GAB1: variants seen among roughly 807,000 people sequenced by gnomAD.
The protein encoded by GAB1 is GRB2 associated binding protein 1, also known as GRB2-associated-binding protein 1.
Under a neutral mutation model 66.5 loss-of-function variants are expected in GAB1, and 19 were observed. The ratio of observed to expected loss-of-function variants is 0.29; its 90% CI spans 0.20 to 0.42. The LOEUF (loss-of-function observed/expected upper bound fraction) is 0.42. GAB1 is among the 10% of genes least tolerant of loss of function. The pLI is 1.00. For synonymous variants in GAB1, 294 were observed against 301.4 expected, an observed-to-expected ratio of 0.98 and a Z score of 0.25; for missense variants, 732 against 858.5, an observed-to-expected ratio of 0.85 and a Z score of 1.84.
At chr4:143,364,504 G>A (rs1729788958) in intron 1 of GAB1, among the ~76,000 whole-genome samples, 1 of 152,168 alleles carries the variant, frequency 6.6e-6, no homozygotes, top group Non-Finnish European at 1.5e-5. Flanking sequence ...GTATACCTGA[G>A]TAGTTTACAT....
intron 8 of GAB1, among the ~76,000 whole-genome samples, chr4:143,461,599 T>TA (rs1735496031): frequency 6.6e-6 from 1 of 152,212 alleles, no homozygotes; most frequent in Non-Finnish European, 1.5e-5. Context: ...TGGCCACACT[T>TA]AGACACAAAG....
At chr4:143,380,905 G>T (rs1266181673) in intron 1 of GAB1, among the ~76,000 whole-genome samples, 1 of 152,230 alleles carries the variant, frequency 6.6e-6, no homozygotes, top group Non-Finnish European at 1.5e-5. Context: ...ATTTTCTGTG[G>T]GTTGAGAGTT....
At chr4:143,457,661 T>G in intron 6 of GAB1, 1 of 1,151,118 alleles carries the variant, frequency 8.7e-7, no homozygotes, top group Non-Finnish European at 1.2e-6. Flanking sequence ...ATTAAGAGAG[T>G]CTTCTTTTTA....
At chr4:143,385,643 C>T (rs1730862575) in intron 1 of GAB1, among the ~76,000 whole-genome samples, 1 of 152,144 alleles carries the variant, frequency 6.6e-6, no homozygotes, top group Non-Finnish European at 1.5e-5. Context: ...AGATGATCTA[C>T]AAGTTGTACA....
Position 143,434,179 on chromosome 4 carries a change from TGTG to T in GAB1, c.593+469_593+471del, listed in dbSNP as rs369297780. The T allele has an allele frequency of 1.0e-5, 13 of 1,260,506 alleles. No individual in the cohort carries two copies. The African/African-American group carries it at 1.7e-4, about 16-fold the overall frequency. 78.1% of individuals were successfully genotyped at this position (1,260,506 alleles called of 1,614,324 possible). On this transcript the variant is annotated intron_variant, in intron 3 of 9. Transcript: ENST00000262994. The stretch of plus-strand genomic sequence containing the variant: ...AACGATTCCATTGCAGTGAGTGTGT[TGTG>T]GTGGTTTTGGATCTGTGTGAGAAAT...
At position 143,438,370 on chromosome 4, in the gene GAB1, C is replaced by G; in HGVS notation, c.965C>G (p.Thr322Arg). Residue 322 changes from threonine to arginine, a missense_variant, in exon 4 of 10, where the codon ACA (threonine) becomes AGA (arginine). Coordinates refer to ENST00000262994, the MANE Select transcript of GAB1 (RefSeq NM_002039.4). Reference protein sequence around the residue: ...TPGNTYQIPRTFPEGTLGQTS... With the variant: ...TPGNTYQIPRRFPEGTLGQTS... ...GGTAATACTTATCAGATTCCACGAA[C>G]ATTTCCAGAAGGAACCTTGGGACAG... The G allele has an allele frequency of 1.2e-6, 2 of 1,614,084 alleles. No homozygotes were observed. Among genetic ancestry groups the G allele is most frequent in the Non-Finnish European group, 1.7e-6 (2 of 1,179,986 alleles).
intron 1 of GAB1, among the ~76,000 whole-genome samples, chr4:143,370,035 A>G (rs1453341405): frequency 1.3e-5 from 2 of 152,240 alleles, no homozygotes; most frequent in Middle Eastern, 3.2e-3. Flanking sequence ...CAAAAATGGC[A>G]TAAGCACTCA....
At chr4:143,372,258 A>G (rs1730157106) in intron 1 of GAB1, among the ~76,000 whole-genome samples, 1 of 152,098 alleles carries the variant, frequency 6.6e-6, no homozygotes, top group South Asian at 2.1e-4. Context: ...GTTGCTTGCT[A>G]GTTCTTCCGT....
At chr4:143,466,859 GCTAT>G (rs1195645330) in intron 9 of GAB1, among the ~76,000 whole-genome samples, 3 of 151,992 alleles carry the variant, frequency 2.0e-5, no homozygotes, top group South Asian at 4.1e-4. Flanking sequence ...CAAATTCTGT[GCTAT>G]CTTTGTCCAA....
At position 143,438,466 on chromosome 4, in the gene GAB1, G is replaced by C; in HGVS notation, c.1061G>C (p.Arg354Pro). 1 of 1,613,864 alleles carries C rather than the reference G, an allele frequency of 6.2e-7. No individual in the cohort carries two copies. The highest frequency in any genetic ancestry group is 8.5e-7 in the Non-Finnish European group (1 of 1,179,960). The change falls in exon 4 of 10, where the codon CGA (arginine) becomes CCA (proline). Residue 354 changes from arginine (R) to proline (P), a missense_variant. By Grantham distance (103) the Arg-to-Pro change is moderately radical (BLOSUM62 -2). Around this residue, in one of 4 missense-constraint regions of GAB1, gnomAD observed 427 missense variants for 420.6 expected, o/e 1.02. Transcript: ENST00000262994. ...RPPKPHPAHD[R>P]SPVETCSIPR... ...CCGAAACCACATCCAGCTCATGACCGATCTCCTGTGGAAACGTGTAGTATC... is the reference window on the plus strand; with the variant it reads ...CCGAAACCACATCCAGCTCATGACCCATCTCCTGTGGAAACGTGTAGTATC...
chr4:143,353,806 C>G (rs975070540), intron 1 of GAB1, among the ~76,000 whole-genome samples: 3 of 152,100 alleles, frequency 2.0e-5, no homozygotes, highest in Admixed American at 1.3e-4. Context: ...CATACATGCT[C>G]TAGAAACCCA....
intron 1 of GAB1, among the ~76,000 whole-genome samples, chr4:143,403,887 C>T (rs1731905264): frequency 6.6e-6 from 1 of 152,130 alleles, no homozygotes; most frequent in Admixed American, 6.5e-5. Flanking sequence ...GTTCTGGAAG[C>T]TTTAGACTGA....
chr4:143,350,200 C>A, intron 1 of GAB1: 1 of 620,166 alleles, frequency 1.6e-6, no homozygotes, highest in Non-Finnish European at 2.9e-6. Flanking sequence ...TATCATGGGC[C>A]CCAAGCACTG....
chr4:143,403,907 TAAG>T (rs1731906704), intron 1 of GAB1, among the ~76,000 whole-genome samples: 2 of 152,352 alleles, frequency 1.3e-5, no homozygotes, highest in Non-Finnish European at 1.5e-5. Flanking sequence ...AGATTTATGT[TAAG>T]AAGAAAATGA....
At position 143,373,044 on chromosome 4, in the gene GAB1, AACACACACAC is replaced by A. The variant is rs36205621; in HGVS notation, c.72+35810_72+35819del. Among the ~76,000 whole-genome samples the A allele has an allele frequency of 2.7e-4, 40 of 148,262 alleles. 1 individual carries two copies. The highest frequency in any genetic ancestry group is 6.1e-4 in the Admixed American group (9 of 14,796). On this transcript the variant is annotated intron_variant, in intron 1 of 9. Transcript: ENST00000262994. ...ATCTGAGGATTGAATTTCCTTTAAA[AACACACACAC>A]ACACACACACACACACACACACACA...
chr4:143,443,384 A>G (rs890842226), intron 6 of GAB1, among the ~76,000 whole-genome samples: 1 of 152,184 alleles, frequency 6.6e-6, no homozygotes, highest in Admixed American at 6.5e-5. Context: ...TAACATTACA[A>G]GGCAGACTTT....
rs745450493 is a variant in GAB1 at position 143,438,053 on chromosome 4, C to T, written c.648C>T (p.Asn216=). The T allele has an allele frequency of 6.8e-6, 11 of 1,613,714 alleles. No homozygotes were observed. Among genetic ancestry groups the T allele is most frequent in the Non-Finnish European group, 5.1e-6 (6 of 1,179,794 alleles). Residue 216 remains asparagine (N), a synonymous_variant, in exon 4 of 10, where the codon AAC becomes AAT. Transcript: ENST00000262994. ...CTTCTGAAACAGACTGCAATGATAA[C>T]GTCCCTTCTCATAAAAATCCTGCTT... ...STSSETDCND[N]VPSHKNPASS...
At chr4:143,429,036 T>C (rs1263593607) in intron 2 of GAB1, among the ~76,000 whole-genome samples, 1 of 152,114 alleles carries the variant, frequency 6.6e-6, no homozygotes, top group East Asian at 1.9e-4. Flanking sequence ...AGGATGGAGT[T>C]GTTTGCAAAA....
chr4:143,375,366 G>A (rs911407720), intron 1 of GAB1, among the ~76,000 whole-genome samples: 2 of 152,136 alleles, frequency 1.3e-5, no homozygotes, highest in Non-Finnish European at 2.9e-5. Flanking sequence ...TATACCTAAC[G>A]GACCTTTTAA....
Sources: allele counts gnomAD v4.1 joint callset (sites outside exome capture counted in the v4.1 genomes callset), GRCh38; gene constraint gnomAD v4.1.1; regional missense constraint gnomAD v4.1.1; transcripts MANE v1.5; gene names NCBI Gene and HGNC (gene_info 2026-07-23, HGNC 2026-07-21).